GMDS: variants seen among roughly 807,000 people sequenced by gnomAD.
GMDS encodes GDP-mannose 4,6 dehydratase.
A neutral mutation model predicts 49.9 loss-of-function variants in GMDS; 20 were observed. That is an observed-to-expected ratio of 0.40 (90% CI 0.28 to 0.58). The LOEUF (loss-of-function observed/expected upper bound fraction) is 0.58. Among genes scored for constraint, GMDS ranks in the 20% least tolerant of loss-of-function variants. The probability of loss-of-function intolerance (pLI) is 0.42; values close to 1 mark genes in which losing one functional copy is unlikely to be tolerated. For synonymous variants in GMDS, 177 were observed against 178.6 expected, an observed-to-expected ratio of 0.99 and a Z score of 0.07; for missense variants, 362 against 481.4, an observed-to-expected ratio of 0.75 and a Z score of 2.32.
At chr6:2,080,472 A>T (rs1362492096) in intron 4 of GMDS, among the ~76,000 whole-genome samples, 1 of 152,086 alleles carries the variant, frequency 6.6e-6, no homozygotes, top group Non-Finnish European at 1.5e-5. Context: ...TTAACAGGGG[A>T]GGGCATTGTT....
At chr6:2,114,107 G>C (rs1386464533) in intron 4 of GMDS, among the ~76,000 whole-genome samples, 2 of 151,978 alleles carry the variant, frequency 1.3e-5, no homozygotes, top group Non-Finnish European at 2.9e-5. Context: ...GGAAAGGAAA[G>C]AATCAGCCCA....
chr6:1,957,039 G>T (rs1035084753), intron 6 of GMDS, among the ~76,000 whole-genome samples: 1 of 152,092 alleles, frequency 6.6e-6, no homozygotes, highest in Non-Finnish European at 1.5e-5. Flanking sequence ...CTGACCTTAA[G>T]TGATTCACCT....
chr6:2,194,844 G>A lies in GMDS; in HGVS notation c.102+50477C>T, dbSNP rs116720568. 5.7e-3 allele frequency among the ~76,000 whole-genome samples: 863 copies of A among 152,262 alleles called. 2 individuals are homozygous for A. Among genetic ancestry groups the A allele is most frequent in the Middle Eastern group, 0.017 (5 of 292 alleles). ...ACTTGGCTAGCCATGCATAAAACAG[G>A]ACAATTAGTACAGTCAACTGAACAT... On this transcript the variant is annotated intron_variant, in intron 1 of 10. Transcript: ENST00000380815.
intron 4 of GMDS, among the ~76,000 whole-genome samples, chr6:2,000,325 A>G (rs9503067): frequency 1.9e-3 from 282 of 150,656 alleles, no homozygotes; most frequent in African/African-American, 5.9e-3. Flanking sequence ...GTGAGCCACC[A>G]CTCCCGGACA....
At chr6:2,243,630 A>T (rs1206693201) in intron 1 of GMDS, among the ~76,000 whole-genome samples, 1 of 152,158 alleles carries the variant, frequency 6.6e-6, no homozygotes, top group East Asian at 1.9e-4. Flanking sequence ...TTACTGCCTC[A>T]ATTCAAGGAT....
chr6:1,781,010 T>C (rs571369914), intron 7 of GMDS, among the ~76,000 whole-genome samples: 2 of 152,294 alleles, frequency 1.3e-5, no homozygotes, highest in African/African-American at 4.8e-5. Context: ...TCTGAAACTG[T>C]TGCAGTTCGA....
chr6:1,793,433 G>A lies in GMDS; in HGVS notation c.772-50847C>T, dbSNP rs75431580. On this transcript the variant is annotated intron_variant, in intron 7 of 10. Coordinates refer to ENST00000380815, the MANE Select transcript of GMDS (RefSeq NM_001500.4). ...TTAAAGTAGGCCTGAACCAGGGTGGGAAACCTTAAATGACCTCTTTCAAGA... is the reference window on the plus strand; with the variant it reads ...TTAAAGTAGGCCTGAACCAGGGTGGAAAACCTTAAATGACCTCTTTCAAGA... 6.2e-4 allele frequency among the ~76,000 whole-genome samples: 95 copies of A among 152,282 alleles called. 1 individual carries two copies. The East Asian group carries it at 0.017, about 28-fold the overall frequency.
At chr6:1,688,685 A>C (rs1765068612) in intron 9 of GMDS, among the ~76,000 whole-genome samples, 1 of 152,206 alleles carries the variant, frequency 6.6e-6, no homozygotes, top group Non-Finnish European at 1.5e-5. Context: ...TTTATGTTAA[A>C]CGTATTTCTG....
chr6:1,955,582 C>T (rs910386532), intron 6 of GMDS, among the ~76,000 whole-genome samples: 1 of 152,054 alleles, frequency 6.6e-6, no homozygotes, highest in South Asian at 2.1e-4. Context: ...CTTTCACCAA[C>T]GGAGTGACTG....
intron 9 of GMDS, among the ~76,000 whole-genome samples, chr6:1,636,599 A>G (rs1169614342): frequency 6.6e-6 from 1 of 152,220 alleles, no homozygotes; most frequent in Non-Finnish European, 1.5e-5. Flanking sequence ...GTTGGTGCTG[A>G]TGCGGCCCCC....
Position 1,794,399 on chromosome 6 carries a change from T to C in GMDS, c.772-51813A>G, listed in dbSNP as rs112307213. On this transcript the variant is annotated intron_variant, in intron 7 of 10. Transcript: ENST00000380815. The stretch of plus-strand genomic sequence containing the variant: ...AAACATTTAAATAAACAAAGACACA[T>C]GTATATCAGCAAAAATCACAGGGAA... Among the ~76,000 whole-genome samples the C allele has an allele frequency of 5.1e-3, 769 of 151,992 alleles. 7 individuals are homozygous for C. Among genetic ancestry groups the C allele is most frequent in the African/African-American group, 0.018 (733 of 41,478 alleles).
chr6:2,106,316 C>A (rs1774238854), intron 4 of GMDS, among the ~76,000 whole-genome samples: 1 of 152,100 alleles, frequency 6.6e-6, no homozygotes, highest in African/African-American at 2.4e-5. Flanking sequence ...GAAAAGATTT[C>A]ATTTTATTTT....
chr6:1,675,937 T>C (rs572582712), intron 9 of GMDS, among the ~76,000 whole-genome samples: 1 of 151,784 alleles, frequency 6.6e-6, no homozygotes, highest in Non-Finnish European at 1.5e-5. Flanking sequence ...TAAACACCTC[T>C]ACACAAATAA....
chr6:1,808,745 T>C (rs1770283505), intron 7 of GMDS, among the ~76,000 whole-genome samples: 1 of 152,220 alleles, frequency 6.6e-6, no homozygotes, highest in African/African-American at 2.4e-5. Flanking sequence ...TTTCAAGATT[T>C]TCCTTTCCTC....
At chr6:1,708,725 G>T (rs573487705) in intron 9 of GMDS, among the ~76,000 whole-genome samples, 2 of 152,250 alleles carry the variant, frequency 1.3e-5, no homozygotes, top group South Asian at 2.1e-4. Flanking sequence ...AGCGCCGGGG[G>T]CCTCTGGGCC....
At chr6:1,758,075 G>A (rs1768018088) in intron 7 of GMDS, among the ~76,000 whole-genome samples, 1 of 152,204 alleles carries the variant, frequency 6.6e-6, no homozygotes, top group Non-Finnish European at 1.5e-5. Flanking sequence ...TACCACGCTG[G>A]GCTGCGTGGG....
At chr6:2,067,231 A>C (rs1318185322) in intron 4 of GMDS, among the ~76,000 whole-genome samples, 1 of 152,186 alleles carries the variant, frequency 6.6e-6, no homozygotes, top group Non-Finnish European at 1.5e-5. Context: ...ACAAAGACAC[A>C]ACATACCAGA....
intron 7 of GMDS, among the ~76,000 whole-genome samples, chr6:1,752,863 C>G (rs1403866322): frequency 6.6e-6 from 1 of 152,186 alleles, no homozygotes; most frequent in Non-Finnish European, 1.5e-5. Context: ...CCTGGCCTGC[C>G]TTACAAGAGC....
rs1561682229 is a variant in GMDS at position 1,624,827 on chromosome 6, C to CCTTTTTTTTTTTTTT, written c.988-288_988-287insAAAAAAAAAAAAAAG. Reference sequence around the variant, plus strand: ...CAAGGCGTCCCTTGGGCTCTTAATGCTTTTTTTTTTTTTTTTTTTTTTTTT... The same window carrying CCTTTTTTTTTTTTTT: ...CAAGGCGTCCCTTGGGCTCTTAATGCCTTTTTTTTTTTTTTTTTTTTTTTTTTTTTTTTTTTTTTT... On this transcript the variant is annotated intron_variant, in intron 9 of 10. Transcript: ENST00000380815. 2.4e-5 allele frequency: 2 copies of CCTTTTTTTTTTTTTT among 83,178 alleles called. 1 individual carries two copies. The highest frequency in any genetic ancestry group is 4.1e-5 in the Non-Finnish European group (2 of 48,450). 5.2% of individuals were successfully genotyped at this position (83,178 alleles called of 1,614,324 possible).
Sources: allele counts gnomAD v4.1 joint callset (sites outside exome capture counted in the v4.1 genomes callset), GRCh38; gene constraint gnomAD v4.1.1; transcripts MANE v1.5; gene names NCBI Gene and HGNC (gene_info 2026-07-23, HGNC 2026-07-21).